SMAD2: variants seen among roughly 807,000 people sequenced by gnomAD.
SMAD2 encodes SMAD family member 2, also known as MAD homolog 2.
A neutral mutation model predicts 64.4 loss-of-function variants in SMAD2; 8 were observed. That is an observed-to-expected ratio of 0.12 (90% CI 0.07 to 0.22). SMAD2 has a LOEUF of 0.22. Ranked by LOEUF, SMAD2 falls within the 10% of genes least tolerant of loss-of-function variation. The pLI is 1.00. For synonymous variants in SMAD2, 203 were observed against 195.8 expected (o/e 1.04, Z -0.31); for missense variants, 289 against 561.2 (o/e 0.51, Z 4.90).
At chr18:47,913,755 G>A (rs1344361158) in intron 1 of SMAD2, among the ~76,000 whole-genome samples, 4 of 152,128 alleles carry the variant, frequency 2.6e-5, no homozygotes, top group African/African-American at 9.7e-5. Context: ...CTATCAAAAC[G>A]TGAATGAGTC....
In SMAD2 at chr18:47,831,265, T is replaced by C. The variant is rs1359885347; in HGVS notation, c.*10562A>G. Reference sequence around the variant, plus strand: ...AATAACACCGTCCAGTTTTCATGTATATCCAGACACACAGGTGAGAGTTCT... The same window carrying C: ...AATAACACCGTCCAGTTTTCATGTACATCCAGACACACAGGTGAGAGTTCT... On this transcript the variant is annotated 3_prime_UTR_variant, in exon 11 of 11. Coordinates refer to ENST00000262160, the MANE Select transcript of SMAD2 (RefSeq NM_005901.6). 3.9e-5 allele frequency: 6 copies of C among 152,270 alleles called. No homozygotes were observed. The highest frequency in any genetic ancestry group is 3.9e-4 in the Admixed American group (6 of 15,290). The allele number at this position is 152,270 out of a possible 1,614,324, so 9.4% of individuals were successfully genotyped here.
rs979861747 is a variant in SMAD2, at chr18:47,829,101, A to C, written c.*12726T>G. On this transcript the variant is annotated 3_prime_UTR_variant, in exon 11 of 11. Coordinates refer to ENST00000262160, the MANE Select transcript of SMAD2 (RefSeq NM_005901.6). Reference sequence around the variant, plus strand: ...GCTTCCCTGTGAATGAGAACAGAAAAAGTTCAGGAGCCACCAGAGGATGTT... The same window carrying C: ...GCTTCCCTGTGAATGAGAACAGAAACAGTTCAGGAGCCACCAGAGGATGTT... 1 of 152,108 alleles carries C rather than the reference A, an allele frequency of 6.6e-6. No homozygotes were observed. Among genetic ancestry groups the C allele is most frequent in the Admixed American group, 6.6e-5 (1 of 15,260 alleles). 9.4% of individuals were successfully genotyped at this position (152,108 alleles called of 1,614,324 possible).
At chr18:47,878,557 G>T (rs983387292) in intron 2 of SMAD2, 2 of 152,092 alleles carry the variant, frequency 1.3e-5, no homozygotes, top group Admixed American at 6.6e-5. Context: ...TTGAGTTCAG[G>T]AGTTTCAGGC....
intron 1 of SMAD2, among the ~76,000 whole-genome samples, chr18:47,911,980 C>T (rs1794411785): frequency 6.6e-6 from 1 of 152,176 alleles, no homozygotes; most frequent in South Asian, 2.1e-4. Context: ...CAACTACAGA[C>T]ACCGTAGTAT....
intron 1 of SMAD2, among the ~76,000 whole-genome samples, chr18:47,906,793 T>C (rs8084915): frequency 0.58 from 87,525 of 151,706 alleles, 25,630 homozygotes; most frequent in East Asian, 0.82. Flanking sequence ...GCTTGTGCTC[T>C]CTCCCCCACC....
intron 7 of SMAD2, 42 bp from the exon 8 acceptor site, chr18:47,848,729 G>A (rs1914778153): frequency 1.5e-6 from 2 of 1,377,770 alleles, no homozygotes; most frequent in East Asian, 4.9e-5. Context: ...AGGAAGAAAT[G>A]CGTGAACAAT....
chr18:47,862,868 G>T (rs925089884), intron 6 of SMAD2, among the ~76,000 whole-genome samples: 4 of 151,998 alleles, frequency 2.6e-5, no homozygotes, highest in Non-Finnish European at 5.9e-5. Flanking sequence ...GACTTGAAAA[G>T]GGACTGATTA....
chr18:47,877,504 T>A lies in SMAD2; in HGVS notation c.237-6940A>T, dbSNP rs578047203. ...AGTCTCCATAATTACAAGTACTATGTGTGGCTGTATATTTTATCTTGACTA... is the reference window on the plus strand; with the variant it reads ...AGTCTCCATAATTACAAGTACTATGAGTGGCTGTATATTTTATCTTGACTA... On this transcript the variant is annotated intron_variant, in intron 2 of 10. Transcript: ENST00000262160. 3.9e-5 allele frequency among the ~76,000 whole-genome samples: 6 copies of A among 152,288 alleles called. No individual in the cohort carries two copies. The Middle Eastern group carries it at 0.01, about 259-fold the overall frequency.
chr18:47,837,899 T>A lies in SMAD2; in HGVS notation c.*3928A>T, dbSNP rs939244661. 1 of 232,620 alleles carries A rather than the reference T, an allele frequency of 4.3e-6. No homozygotes were observed. Among genetic ancestry groups the A allele is most frequent in the Non-Finnish European group, 8.5e-6 (1 of 117,510 alleles). 14.4% of individuals were successfully genotyped at this position (232,620 alleles called of 1,614,324 possible). A position where few individuals can be genotyped will look rare whatever the true frequency, so the allele number is the denominator to read the frequency against. On this transcript the variant is annotated 3_prime_UTR_variant, in exon 11 of 11. Coordinates refer to ENST00000262160, the MANE Select transcript of SMAD2 (RefSeq NM_005901.6). ...ACATGAAGACATATTTTATGTACAG[T>A]GAAGATTGTCTTGTGTTACTTTATA...
intron 1 of SMAD2, among the ~76,000 whole-genome samples, chr18:47,924,113 T>C (rs142900864): frequency 0.017 from 2,549 of 152,000 alleles, 65 homozygotes; most frequent in African/African-American, 0.057. Context: ...CCGGACATGG[T>C]GGCGCATGCC....
intron 2 of SMAD2, among the ~76,000 whole-genome samples, chr18:47,891,209 G>A (rs1201913654): frequency 6.6e-6 from 1 of 152,216 alleles, no homozygotes; most frequent in Admixed American, 6.5e-5. Flanking sequence ...GGAGGCTGAG[G>A]CAGGTGAATC....
chr18:47,862,236 A>G (rs932255697), intron 6 of SMAD2, among the ~76,000 whole-genome samples: 4 of 152,224 alleles, frequency 2.6e-5, no homozygotes, highest in South Asian at 2.1e-4. Flanking sequence ...TTAAGTGTAC[A>G]TATTAGTAGG....
chr18:47,856,948 C>T (rs1271733466), intron 6 of SMAD2, among the ~76,000 whole-genome samples: 1 of 148,528 alleles, frequency 6.7e-6, no homozygotes, highest in Non-Finnish European at 1.5e-5. Context: ...AGCTCCGCCT[C>T]CCGGGTTCAC....
chr18:47,846,406 C>G (rs1914493061), intron 8 of SMAD2, among the ~76,000 whole-genome samples: 1 of 152,076 alleles, frequency 6.6e-6, no homozygotes, highest in African/African-American at 2.4e-5. Context: ...AAGCAGAGTT[C>G]TAACATGACA....
At chr18:47,903,877 G>T (rs1331868949) in intron 1 of SMAD2, among the ~76,000 whole-genome samples, 1 of 26,572 alleles carries the variant, frequency 3.8e-5, no homozygotes, top group Non-Finnish European at 9.7e-5. Context: ...AAAACAGTGT[G>T]GGGGGGGGGG....
intron 6 of SMAD2, among the ~76,000 whole-genome samples, chr18:47,857,660 T>C (rs2030829769): frequency 6.6e-6 from 1 of 152,190 alleles, no homozygotes; most frequent in Non-Finnish European, 1.5e-5. Flanking sequence ...CAGAGAGTGG[T>C]AATCACTTTC....
chr18:47,881,480 G>A (rs971886261), intron 2 of SMAD2, among the ~76,000 whole-genome samples: 1 of 152,160 alleles, frequency 6.6e-6, no homozygotes, highest in African/African-American at 2.4e-5. Flanking sequence ...ATTTGTTTTA[G>A]TGGCTATATT....
intron 7 of SMAD2, 105 bp downstream of exon 7, chr18:47,851,169 G>A: frequency 1.2e-6 from 1 of 814,456 alleles, no homozygotes; most frequent in Non-Finnish European, 2.1e-6. Flanking sequence ...CTATTCATTA[G>A]GATCCCTTTC....
intron 7 of SMAD2, among the ~76,000 whole-genome samples, 197 bp from the exon 8 acceptor site, chr18:47,848,884 GT>G (rs1205849011): frequency 6.6e-6 from 1 of 152,054 alleles, no homozygotes; most frequent in African/African-American, 2.4e-5. Context: ...CAAAACTCCA[GT>G]TTCATAGATC....
Sources: allele counts gnomAD v4.1 joint callset (sites outside exome capture counted in the v4.1 genomes callset), GRCh38; gene constraint gnomAD v4.1.1; transcripts MANE v1.5; gene names NCBI Gene and HGNC (gene_info 2026-07-23, HGNC 2026-07-21).